The following C1orf198 variants were observed in gnomAD, a reference collection of about 807,000 sequenced individuals.
C1orf198 encodes uncharacterized protein C1orf198.
C1orf198 carries 17 observed loss-of-function variants against 31.4 expected under a neutral mutation model. The ratio of observed to expected loss-of-function variants is 0.54; its 90% CI spans 0.37 to 0.81. The LOEUF (loss-of-function observed/expected upper bound fraction) is 0.81. C1orf198 is among the 40% of genes least tolerant of loss of function. The pLI, the probability that C1orf198 is intolerant of heterozygous loss-of-function variation, is 0.00. For synonymous variants in C1orf198, 175 were observed against 193.8 expected (o/e 0.90, Z 0.81); for missense variants, 401 against 450.3 (o/e 0.89, Z 0.99).
intron 2 of C1orf198, among the ~76,000 whole-genome samples, chr1:230,849,785 T>G (rs1489884975): frequency 6.6e-6 from 1 of 152,254 alleles, no homozygotes; most frequent in Non-Finnish European, 1.5e-5. Flanking sequence ...CATCATTTAC[T>G]GGAGCAAATC....
At position 230,838,892 on chromosome 1, in the gene C1orf198, G is replaced by A. The variant is rs76823463; in HGVS notation, c.*960C>T. 4.3e-4 allele frequency: 65 copies of A among 152,384 alleles called. 1 individual carries two copies. Among genetic ancestry groups the A allele is most frequent in the Admixed American group, 2.3e-3 (35 of 15,286 alleles). 9.4% of individuals were successfully genotyped at this position (152,384 alleles called of 1,614,324 possible). ...TGGTGGTCAGGGCTGGGGAAGGTCCGTCATGACGCAACCTGGCTAGCCCTT... is the reference window on the plus strand; with the variant it reads ...TGGTGGTCAGGGCTGGGGAAGGTCCATCATGACGCAACCTGGCTAGCCCTT... On this transcript the variant is annotated 3_prime_UTR_variant, in exon 4 of 4. Transcript: ENST00000366663. The surrounding 1 kb of genome is among the most constrained non-coding windows in gnomAD (Gnocchi z 4.2).
Position 230,840,466 on chromosome 1 carries a change from C to T in C1orf198, c.928-558G>A, listed in dbSNP as rs984041932. ...GCGATCCTCTTGCCTCGGCCTCCCACGTAGCTGGGACTACAGGCATGCACC... is the reference window on the plus strand; with the variant it reads ...GCGATCCTCTTGCCTCGGCCTCCCATGTAGCTGGGACTACAGGCATGCACC... On this transcript the variant is annotated intron_variant, in intron 3 of 3. Coordinates refer to ENST00000366663, the MANE Select transcript of C1orf198 (RefSeq NM_032800.3). The surrounding 1 kb of genome is among the most constrained non-coding windows in gnomAD (Gnocchi z 4.0). 3.9e-5 allele frequency among the ~76,000 whole-genome samples: 6 copies of T among 152,198 alleles called. No individual in the cohort carries two copies. Among genetic ancestry groups the T allele is most frequent in the South Asian group, 2.1e-4 (1 of 4,824 alleles).
intron 1 of C1orf198, chr1:230,856,025 T>A: frequency 8.8e-7 from 1 of 1,132,102 alleles, no homozygotes; most frequent in Non-Finnish European, 1.1e-6. Flanking sequence ...GGCTTGATGG[T>A]CTCAGCAGAA....
At chr1:230,850,907 A>G (rs1345634894) in intron 2 of C1orf198, among the ~76,000 whole-genome samples, 1 of 152,070 alleles carries the variant, frequency 6.6e-6, no homozygotes, top group Non-Finnish European at 1.5e-5. Flanking sequence ...CAAAGCCCCG[A>G]AAGTCACAGA....
At chr1:230,868,132 T>A in intron 1 of C1orf198, 48 bp downstream of exon 1, 244 of 995,204 alleles carry the variant, frequency 2.5e-4, no homozygotes, top group East Asian at 6.7e-4. Context: ...CCGGGGCGCC[T>A]CGGGGCGCCG....
At chr1:230,861,165 C>A (rs1417034890) in intron 1 of C1orf198, among the ~76,000 whole-genome samples, 1 of 152,126 alleles carries the variant, frequency 6.6e-6, no homozygotes, top group Non-Finnish European at 1.5e-5. Context: ...CCAAGAGCGA[C>A]CCCTAGTGTA....
chr1:230,868,459 C>G lies in C1orf198; in HGVS notation c.54G>C (p.Gly18=). ...IAASRSAVMS[G]NRPLDDRERK... ...GCTCCCGGTCGTCCAGAGGCCGGTT[C>G]CCGCTCATGACCGCCGAGCGCGAAG... Residue 18 remains glycine, a synonymous_variant, in exon 1 of 4, where the codon GGG becomes GGC. Coordinates refer to ENST00000366663, the MANE Select transcript of C1orf198 (RefSeq NM_032800.3). The G allele has an allele frequency of 6.4e-7, 1 of 1,559,086 alleles. No homozygotes were observed. The highest frequency in any genetic ancestry group is 1.4e-5 in the African/African-American group (1 of 70,850).
chr1:230,854,408 T>G (rs1468994735), intron 2 of C1orf198, among the ~76,000 whole-genome samples: 1 of 152,218 alleles, frequency 6.6e-6, no homozygotes, highest in Non-Finnish European at 1.5e-5. Flanking sequence ...CTTTGCAATG[T>G]CAGTAGACAC....
At position 230,868,456 on chromosome 1, in the gene C1orf198, G is replaced by A; in HGVS notation, c.57C>T (p.Asn19=). The A allele has an allele frequency of 6.4e-7, 1 of 1,560,842 alleles. No individual in the cohort carries two copies. The highest frequency in any genetic ancestry group is 8.7e-7 in the Non-Finnish European group (1 of 1,152,482). The change falls in exon 1 of 4, where the codon AAC becomes AAT. Residue 19 remains asparagine (N), a synonymous_variant. Coordinates refer to ENST00000366663, the MANE Select transcript of C1orf198 (RefSeq NM_032800.3). ...AASRSAVMSG[N]RPLDDRERKR... ...TTCGCTCCCGGTCGTCCAGAGGCCG[G>A]TTCCCGCTCATGACCGCCGAGCGCG...
At chr1:230,854,060 A>C (rs1345501142) in intron 2 of C1orf198, among the ~76,000 whole-genome samples, 2 of 152,228 alleles carry the variant, frequency 1.3e-5, no homozygotes, top group Non-Finnish European at 2.9e-5. Context: ...AACATTTAAC[A>C]AGCTAAATTC....
intron 1 of C1orf198, among the ~76,000 whole-genome samples, chr1:230,866,212 T>C (rs1670116668): frequency 6.6e-6 from 1 of 152,154 alleles, no homozygotes; most frequent in Admixed American, 6.5e-5. Flanking sequence ...CCAGGGGAAT[T>C]TAAATTCCCT....
Position 230,839,498 on chromosome 1 carries a change from T to C in C1orf198, c.*354A>G. On this transcript the variant is annotated 3_prime_UTR_variant, in exon 4 of 4. Transcript: ENST00000366663. Reference sequence around the variant, plus strand: ...GGAGGGGGAATAATGGAGAAGGAGATGGAAATCACTTATATGATTTTTGTG... The same window carrying C: ...GGAGGGGGAATAATGGAGAAGGAGACGGAAATCACTTATATGATTTTTGTG... 8.8e-6 allele frequency: 2 copies of C among 226,048 alleles called. No homozygotes were observed. The highest frequency in any genetic ancestry group is 1.7e-5 in the Non-Finnish European group (2 of 118,384). The allele number at this position is 226,048 out of a possible 1,614,324, so 14.0% of individuals were successfully genotyped here.
chr1:230,844,861 C>T (rs1669545590), intron 2 of C1orf198, among the ~76,000 whole-genome samples: 1 of 152,222 alleles, frequency 6.6e-6, no homozygotes, highest in Non-Finnish European at 1.5e-5. Context: ...ATGCTGCTAA[C>T]CACAGTGATC....
At chr1:230,869,395 C>G (rs896702814), upstream of C1orf198, 2 of 152,140 alleles carry the variant, frequency 1.3e-5, no homozygotes, top group African/African-American at 4.8e-5. Context: ...GAGGTGTGTC[C>G]CAGACAGACC....
intron 3 of C1orf198, among the ~76,000 whole-genome samples, chr1:230,842,772 C>T (rs1210084644): frequency 6.6e-6 from 1 of 152,036 alleles, no homozygotes; most frequent in East Asian, 1.9e-4. Context: ...AAAGAGTGAC[C>T]CACAAGAACC....
At chr1:230,853,087 G>A (rs1378099651) in intron 2 of C1orf198, among the ~76,000 whole-genome samples, 1 of 152,172 alleles carries the variant, frequency 6.6e-6, no homozygotes, top group Non-Finnish European at 1.5e-5. Flanking sequence ...GGTTCTCAGA[G>A]CACCCAGCTC....
Position 230,868,227 on chromosome 1 carries a change from C to T in C1orf198, c.286G>A (p.Gly96Ser). Reference sequence around the variant, plus strand: ...TTCTGGCCCGTGGGCCCGCGCAAGCCGGGGAAGCGCGTGAGCTCCTCCGAG... The same window carrying T: ...TTCTGGCCCGTGGGCCCGCGCAAGCTGGGGAAGCGCGTGAGCTCCTCCGAG... ...GDSEELTRFP[G>S]LRGPTGQKVV... The change falls in exon 1 of 4, where the codon GGC becomes AGC. Residue 96 changes from glycine to serine, a missense_variant. Coordinates refer to ENST00000366663, the MANE Select transcript of C1orf198 (RefSeq NM_032800.3). 1 of 1,544,736 alleles carries T rather than the reference C, an allele frequency of 6.5e-7. No individual in the cohort carries two copies. Among genetic ancestry groups the T allele is most frequent in the Non-Finnish European group, 8.7e-7 (1 of 1,147,534 alleles).
chr1:230,840,689 G>A lies in C1orf198; in HGVS notation c.928-781C>T, dbSNP rs932049159. 5.9e-5 allele frequency among the ~76,000 whole-genome samples: 9 copies of A among 152,100 alleles called. No homozygotes were observed. Among genetic ancestry groups the A allele is most frequent in the Non-Finnish European group, 4.4e-5 (3 of 68,028 alleles). ...ACACCGGCAGGCATTTACCTGGTGC[G>A]CCAAGGTCTTCTTGAGCAAAGAAAC... On this transcript the variant is annotated intron_variant, in intron 3 of 3. Coordinates refer to ENST00000366663, the MANE Select transcript of C1orf198 (RefSeq NM_032800.3). This position sits in a 1 kb window ranked among gnomAD's most constrained non-coding sequence, Gnocchi z 4.0.
Position 230,843,593 on chromosome 1 carries a change from G to T in C1orf198, c.688C>A (p.Arg230=). 6.2e-7 allele frequency: 1 copy of T among 1,614,208 alleles called. No homozygotes were observed. The highest frequency in any genetic ancestry group is 8.5e-7 in the Non-Finnish European group (1 of 1,180,018). ...CTGTCCTTCGGGGCAGGTTCCTGCC[G>T]GTAGCAGGGAGGCAAGACCTTTTCC... is the stretch of plus-strand genomic sequence containing the variant. ...KGEKVLPPCY[R]QEPAPKDREA... is the part of the protein sequence containing the mutation. The change falls in exon 3 of 4, where the codon CGG becomes AGG. Residue 230 remains arginine, a synonymous_variant. Transcript: ENST00000366663. The surrounding 1 kb of genome is among the most constrained non-coding windows in gnomAD (Gnocchi z 4.9).
Sources: gnomAD v4.1 joint callset for allele counts (sites outside exome capture counted in the v4.1 genomes callset) on GRCh38, gnomAD v4.1.1 for gene constraint, Gnocchi (gnomAD v3.1) non-coding constraint, MANE v1.5 for transcripts, NCBI Gene and HGNC (gene_info 2026-07-23, HGNC 2026-07-21) for gene names.